BCAS4: variants seen among roughly 807,000 people sequenced by gnomAD.
The protein encoded by BCAS4 is breast carcinoma amplified sequence 4, also known as breast carcinoma-amplified sequence 4.
Under a neutral mutation model 15.7 loss-of-function variants are expected in BCAS4, and 9 were observed. The ratio of observed to expected loss-of-function variants is 0.57; its 90% CI spans 0.34 to 1.00. The LOEUF is 1.00. BCAS4 is among the 50% of genes least tolerant of loss of function. The probability of loss-of-function intolerance (pLI) is 0.02; values close to 1 mark genes in which losing one functional copy is unlikely to be tolerated. For missense variants in BCAS4, 225 were observed against 239.1 expected, an observed-to-expected ratio of 0.94 and a Z score of 0.39; for synonymous variants, 101 against 99.5, an observed-to-expected ratio of 1.02 and a Z score of -0.09.
chr20:50,846,043 G>A (rs2088539510), intron 4 of BCAS4, among the ~76,000 whole-genome samples: 1 of 152,196 alleles, frequency 6.6e-6, no homozygotes, highest in South Asian at 2.1e-4. Context: ...CTACCTTTGA[G>A]CTGCCTGAGA....
intron 2 of BCAS4, among the ~76,000 whole-genome samples, chr20:50,828,527 C>T (rs2088305820): frequency 6.6e-6 from 1 of 152,142 alleles, no homozygotes; most frequent in Non-Finnish European, 1.5e-5. Flanking sequence ...TGCCTGTAAT[C>T]CCAGATCTTT....
At chr20:50,815,244 C>A (rs2088123756) in intron 1 of BCAS4, among the ~76,000 whole-genome samples, 1 of 152,168 alleles carries the variant, frequency 6.6e-6, no homozygotes, top group Non-Finnish European at 1.5e-5. Context: ...GGTTGCAATG[C>A]ACTTCCTACA....
intron 4 of BCAS4, among the ~76,000 whole-genome samples, chr20:50,845,777 C>T (rs1267021154): frequency 6.6e-6 from 1 of 152,252 alleles, no homozygotes; most frequent in East Asian, 1.9e-4. Context: ...GTGGAGAGGG[C>T]TGAGGTGGGA....
chr20:50,855,183 C>A (rs917161755), intron 4 of BCAS4, among the ~76,000 whole-genome samples: 2 of 152,208 alleles, frequency 1.3e-5, no homozygotes, highest in Non-Finnish European at 2.9e-5. Flanking sequence ...CACCCTCACC[C>A]CCAGCCCTGC....
chr20:50,854,276 C>G (rs1880383162), intron 4 of BCAS4, among the ~76,000 whole-genome samples: 1 of 152,080 alleles, frequency 6.6e-6, no homozygotes, highest in African/African-American at 2.4e-5. Flanking sequence ...GGTGGCAGTT[C>G]TCCAGCCTCA....
upstream of BCAS4, chr20:50,794,936 G>C (rs1211195793): frequency 8.7e-7 from 1 of 1,143,256 alleles, no homozygotes; most frequent in African/African-American, 1.6e-5. Context: ...TCCTGGAGCT[G>C]CGAGCCGCGA....
chr20:50,856,962 A>G (rs369017793), intron 4 of BCAS4, among the ~76,000 whole-genome samples: 2 of 152,336 alleles, frequency 1.3e-5, no homozygotes, highest in Non-Finnish European at 1.5e-5. Context: ...CGTAACTGTG[A>G]TTTAGTTTAA....
chr20:50,834,174 C>T (rs541248568), intron 3 of BCAS4, among the ~76,000 whole-genome samples: 4 of 152,104 alleles, frequency 2.6e-5, no homozygotes, highest in South Asian at 2.1e-4. Flanking sequence ...CTGTAACCCC[C>T]GCTCCCCACA....
intron 3 of BCAS4, among the ~76,000 whole-genome samples, chr20:50,839,254 C>T (rs758207541): frequency 2.6e-5 from 4 of 152,230 alleles, no homozygotes; most frequent in Non-Finnish European, 4.4e-5. Context: ...CACGTGCATA[C>T]GCACACTAAC....
At chr20:50,805,728 A>C (rs1281373407) in intron 1 of BCAS4, among the ~76,000 whole-genome samples, 1 of 152,106 alleles carries the variant, frequency 6.6e-6, no homozygotes, top group East Asian at 1.9e-4. Context: ...TAATCCCAGC[A>C]CTTTGGGAGG....
At chr20:50,810,577 TA>T (rs1320968147) in intron 1 of BCAS4, among the ~76,000 whole-genome samples, 3 of 148,814 alleles carry the variant, frequency 2.0e-5, no homozygotes, top group East Asian at 1.9e-4. Flanking sequence ...AATAGTATGT[TA>T]TTTTTTTTGT....
intron 2 of BCAS4, among the ~76,000 whole-genome samples, chr20:50,824,144 G>A (rs2088249932): frequency 1.3e-5 from 2 of 152,252 alleles, no homozygotes; most frequent in South Asian, 2.1e-4. Context: ...AAGCCTTTCA[G>A]CTCAGTGCCC....
At chr20:50,805,337 T>C (rs2087976868) in intron 1 of BCAS4, among the ~76,000 whole-genome samples, 1 of 152,232 alleles carries the variant, frequency 6.6e-6, no homozygotes, top group Non-Finnish European at 1.5e-5. Context: ...AAAACACAGA[T>C]TGGCCAGAGA....
At chr20:50,875,706 CAGG>C (rs1337348045) in intron 4 of BCAS4, among the ~76,000 whole-genome samples, 1 of 151,888 alleles carries the variant, frequency 6.6e-6, no homozygotes, top group Admixed American at 6.6e-5. Context: ...TGCTTGAACC[CAGG>C]AGGTGAATGT....
chr20:50,849,388 C>A (rs866854957), intron 4 of BCAS4, among the ~76,000 whole-genome samples: 4 of 152,310 alleles, frequency 2.6e-5, no homozygotes, highest in Non-Finnish European at 4.4e-5. Flanking sequence ...CCCCTACCCC[C>A]ACCAGGGCAG....
chr20:50,803,801 CA>C (rs77271343), intron 1 of BCAS4, among the ~76,000 whole-genome samples: 2,984 of 91,000 alleles, frequency 0.033, 84 homozygotes, highest in African/African-American at 0.097. Flanking sequence ...ACTAGACTCC[CA>C]AAAAAAAAAA....
intron 1 of BCAS4, among the ~76,000 whole-genome samples, chr20:50,814,886 T>C (rs972868566): frequency 1.3e-5 from 2 of 151,990 alleles, no homozygotes; most frequent in Non-Finnish European, 2.9e-5. Flanking sequence ...GGCAGGAGGA[T>C]TGCATGAGGC....
intron 1 of BCAS4, among the ~76,000 whole-genome samples, chr20:50,811,654 G>C (rs1008334597): frequency 1.3e-5 from 2 of 152,032 alleles, no homozygotes; most frequent in Non-Finnish European, 2.9e-5. Context: ...ATGGAGTCTC[G>C]TTCTCTCGCC....
downstream of BCAS4, chr20:50,881,435 A>G (rs892305985): frequency 3.3e-5 from 5 of 152,180 alleles, no homozygotes; most frequent in African/African-American, 1.2e-4. Flanking sequence ...AAATTGGGAA[A>G]ATATATTTGC....
Sources: gnomAD v4.1 joint callset for allele counts (sites outside exome capture counted in the v4.1 genomes callset) on GRCh38, gnomAD v4.1.1 for gene constraint, MANE v1.5 for transcripts, NCBI Gene and HGNC (gene_info 2026-07-23, HGNC 2026-07-21) for gene names.